Variants in SLC12A4 observed in about 807,000 individuals in gnomAD.
SLC12A4 encodes the protein electroneutral potassium-chloride cotransporter 1.
SLC12A4 carries 84 observed loss-of-function variants against 119.2 expected under a neutral mutation model. The ratio of observed to expected loss-of-function variants is 0.70; its 90% CI spans 0.59 to 0.85. SLC12A4 has a LOEUF of 0.85. Ranked by LOEUF, SLC12A4 falls within the 40% of genes least tolerant of loss-of-function variation. SLC12A4 has a pLI of 0.00. For missense variants in SLC12A4, 1,298 were observed against 1,476.3 expected, an observed-to-expected ratio of 0.88 and a Z score of 1.98; for synonymous variants, 599 against 604.6, an observed-to-expected ratio of 0.99 and a Z score of 0.14.
Position 67,945,854 on chromosome 16 carries a change from A to G in SLC12A4, c.2757T>C (p.Ser919=). Residue 919 remains serine (S), a synonymous_variant, in exon 21 of 24, where the codon TCT becomes TCC. Coordinates refer to ENST00000316341, the MANE Select transcript of SLC12A4 (RefSeq NM_005072.5). ...TCAGCGTCCGCTCGTAGGTGTATGC[A>G]GAGATGTCACTGTTATGCTGGGGAC... ...EVVEMHNSDI[S]AYTYERTLMM... 1 of 1,614,062 alleles carries G rather than the reference A, an allele frequency of 6.2e-7. No individual in the cohort carries two copies. Among genetic ancestry groups the G allele is most frequent in the Admixed American group, 1.7e-5 (1 of 60,030 alleles).
intron 5 of SLC12A4, among the ~76,000 whole-genome samples, chr16:67,956,753 A>T (rs1325407630): frequency 2.6e-5 from 4 of 152,030 alleles, no homozygotes; most frequent in Non-Finnish European, 5.9e-5. Context: ...ACACACATAC[A>T]CACGTAAACA....
At chr16:67,961,417 C>T (rs1357537664) in intron 3 of SLC12A4, among the ~76,000 whole-genome samples, 158 bp downstream of exon 3, 2 of 152,162 alleles carry the variant, frequency 1.3e-5, no homozygotes, top group East Asian at 3.9e-4. Context: ...CTTCTTAAAG[C>T]CTCCTGAGAC....
In SLC12A4 at chr16:67,951,097, G is replaced by A. The variant is rs368239147; in HGVS notation, c.1298-37C>T. Reference sequence around the variant, plus strand: ...GATGAGACTCCCTCAGGGGCTCCCCGGGATTGGGGACAGGGCTGGGTGGGT... The same window carrying A: ...GATGAGACTCCCTCAGGGGCTCCCCAGGATTGGGGACAGGGCTGGGTGGGT... On this transcript the variant is annotated intron_variant, in intron 9 of 23. Coordinates refer to ENST00000316341, the MANE Select transcript of SLC12A4 (RefSeq NM_005072.5). This position sits in a 1 kb window ranked among gnomAD's most constrained non-coding sequence, Gnocchi z 5.2. The A allele has an allele frequency of 3.0e-5, 48 of 1,613,634 alleles. No individual in the cohort carries two copies. Among genetic ancestry groups the A allele is most frequent in the Non-Finnish European group, 3.5e-5 (41 of 1,179,790 alleles).
intron 1 of SLC12A4, 142 bp from the exon 2 acceptor site, chr16:67,963,701 G>A: frequency 1.2e-6 from 1 of 826,336 alleles, no homozygotes; most frequent in Non-Finnish European, 1.9e-6. Flanking sequence ...TTTTCACATG[G>A]CACCGTGCCA....
Position 67,944,041 on chromosome 16 carries a change from G to A in SLC12A4, c.*799C>T. The A allele has an allele frequency of 6.5e-7, 1 of 1,547,602 alleles. No individual in the cohort carries two copies. The highest frequency in any genetic ancestry group is 8.7e-7 in the Non-Finnish European group (1 of 1,145,760). On this transcript the variant is annotated 3_prime_UTR_variant, in exon 24 of 24. Transcript: ENST00000316341. This position sits in a 1 kb window ranked among gnomAD's most constrained non-coding sequence, Gnocchi z 6.6. The stretch of plus-strand genomic sequence containing the variant: ...TTGAGGAGCCAGAAGGGGGCGGCAG[G>A]AGGGAGCAGCAGCCCCAGCAGCAGC...
At chr16:67,957,617 T>A in intron 5 of SLC12A4, 125 bp downstream of exon 5, 1 of 1,040,186 alleles carries the variant, frequency 9.6e-7, no homozygotes, top group Non-Finnish European at 1.5e-6. Flanking sequence ...TGTCCTGGCA[T>A]CAGGGATTGG....
intron 22 of SLC12A4, 23 bp downstream of exon 22, chr16:67,945,345 TG>T: frequency 6.2e-7 from 1 of 1,603,672 alleles, no homozygotes; most frequent in East Asian, 2.2e-5. Context: ...CCAGTGCCGC[TG>T]GGGCTGTTTT....
chr16:67,966,956 C>G, intron 1 of SLC12A4: 1 of 1,356,824 alleles, frequency 7.4e-7, no homozygotes, highest in East Asian at 2.8e-5. Context: ...CAGCTAGGCT[C>G]AGCTCTGCCT....
chr16:67,965,903 C>A (rs1234797609), intron 1 of SLC12A4, among the ~76,000 whole-genome samples: 1 of 152,218 alleles, frequency 6.6e-6, no homozygotes, highest in African/African-American at 2.4e-5. Flanking sequence ...AAGGCCACAT[C>A]TGGGTCCCAG....
In SLC12A4 at chr16:67,949,058, CG is replaced by C. The variant is rs1288571139; in HGVS notation, c.1748+741del. On this transcript the variant is annotated intron_variant, in intron 13 of 23. Transcript: ENST00000316341. The surrounding 1 kb of genome is among the most constrained non-coding windows in gnomAD (Gnocchi z 4.6). ...AGAGTCAACCAAACAAGCGCTGCCTCGGGGTCCCTGGGAGTCACCACATGCT... is the reference window on the plus strand; with the variant it reads ...AGAGTCAACCAAACAAGCGCTGCCTCGGGTCCCTGGGAGTCACCACATGCT... 3.9e-5 allele frequency among the ~76,000 whole-genome samples: 6 copies of C among 152,168 alleles called. No individual in the cohort carries two copies. The highest frequency in any genetic ancestry group is 1.5e-5 in the Non-Finnish European group (1 of 68,024).
rs2058315167 is a variant in SLC12A4, at chr16:67,944,194, C to T, written c.*646G>A. On this transcript the variant is annotated 3_prime_UTR_variant, in exon 24 of 24. Transcript: ENST00000316341. This position sits in a 1 kb window ranked among gnomAD's most constrained non-coding sequence, Gnocchi z 6.6. The stretch of plus-strand genomic sequence containing the variant: ...GGGGCCCTAGGGCCAGTGGGAGGGA[C>T]GGCCTGGCCAGTGGGGGTTGTGGCC... The T allele has an allele frequency of 5.4e-6, 8 of 1,488,238 alleles. No homozygotes were observed. The highest frequency in any genetic ancestry group is 2.2e-5 in the Admixed American group (1 of 46,330). 92.2% of individuals were successfully genotyped at this position (1,488,238 alleles called of 1,614,324 possible).
intron 1 of SLC12A4, 68 bp from the exon 2 acceptor site, chr16:67,963,627 G>T: frequency 8.3e-7 from 1 of 1,210,976 alleles, no homozygotes; most frequent in South Asian, 1.5e-5. Context: ...TTCCCAGAAA[G>T]CCAGTCCCCA....
Position 67,957,959 on chromosome 16 carries a change from C to G in SLC12A4, c.428G>C (p.Trp143Ser), listed in dbSNP as rs776414148. The G allele has an allele frequency of 1.9e-6, 3 of 1,614,126 alleles. No homozygotes were observed. The highest frequency in any genetic ancestry group is 3.3e-5 in the Admixed American group (2 of 60,012). The change falls in exon 4 of 24, where the codon TGG becomes TCG. Residue 143 changes from tryptophan (W) to serine (S), a missense_variant. Coordinates refer to ENST00000316341, the MANE Select transcript of SLC12A4 (RefSeq NM_005072.5). ...TAGCACACCTGCTGTGCCCACCATCCAGGTCAGCCGCAGGAAGAGGATAAC... is the reference window on the plus strand; with the variant it reads ...TAGCACACCTGCTGTGCCCACCATCGAGGTCAGCCGCAGGAAGAGGATAAC... ...FGVILFLRLT[W>S]MVGTAGVLQA...
In SLC12A4 at chr16:67,945,395, A is replaced by G. The variant is rs761906433; in HGVS notation, c.3006T>C (p.Asn1002=). 2.0e-5 allele frequency: 32 copies of G among 1,613,734 alleles called. No individual in the cohort carries two copies. The highest frequency in any genetic ancestry group is 2.6e-5 in the Non-Finnish European group (31 of 1,179,926). Residue 1002 remains asparagine (N), a synonymous_variant, in exon 22 of 24, where the codon AAT becomes AAC. Transcript: ENST00000316341. ...GCTTAATGTGCACCAGCTCCCGGAAATTGTCAGGGGCATGGCTGGGGTCCC... is the reference window on the plus strand; with the variant it reads ...GCTTAATGTGCACCAGCTCCCGGAAGTTGTCAGGGGCATGGCTGGGGTCCC... The part of the protein sequence containing the change: ...ETWDPSHAPD[N]FRELVHIKPD...
chr16:67,958,926 G>A (rs921498646), intron 3 of SLC12A4, among the ~76,000 whole-genome samples: 1 of 152,138 alleles, frequency 6.6e-6, no homozygotes, highest in Admixed American at 6.5e-5. Context: ...CCCTATCACA[G>A]TGGTCACTAC....
rs373864024 is a variant in SLC12A4 at position 67,949,906 on chromosome 16, C to T, written c.1642G>A (p.Gly548Arg). ...IIPFLRVFGH[G>R]KVNGEPTWAL... Reference sequence around the variant, plus strand: ...CATGTGGGTTCACCATTCACCTTCCCGTGGCCAAACACCTGTGTGCACCAG... The same window carrying T: ...CATGTGGGTTCACCATTCACCTTCCTGTGGCCAAACACCTGTGTGCACCAG... Residue 548 changes from glycine to arginine, a missense_variant, in exon 13 of 24, where the codon GGG becomes AGG. Gly to Arg is a moderately radical substitution (Grantham distance 125). Coordinates refer to ENST00000316341, the MANE Select transcript of SLC12A4 (RefSeq NM_005072.5). The surrounding 1 kb of genome is among the most constrained non-coding windows in gnomAD (Gnocchi z 4.6). The T allele has an allele frequency of 2.9e-5, 46 of 1,611,738 alleles. No homozygotes were observed. The highest frequency in any genetic ancestry group is 6.7e-5 in the Admixed American group (4 of 59,764).
chr16:67,952,139 G>A (rs773944194), intron 7 of SLC12A4, 45 bp downstream of exon 7: 2 of 1,611,898 alleles, frequency 1.2e-6, no homozygotes, highest in Admixed American at 1.7e-5. Flanking sequence ...GGCTACATGG[G>A]AGGGATGTCC....
chr16:67,958,813 G>A (rs1891515248), intron 3 of SLC12A4, among the ~76,000 whole-genome samples: 1 of 152,060 alleles, frequency 6.6e-6, no homozygotes, highest in Non-Finnish European at 1.5e-5. Context: ...CTCACGGCCT[G>A]GCAAACTCTT....
Position 67,950,906 on chromosome 16 carries a change from C to T in SLC12A4, c.1396+56G>A. ...TGTGCATGTGACCTGGCAACGTACA[C>T]AGGCCAAGCGCTTCCCGTCCTCTGC... On this transcript the variant is annotated intron_variant, in intron 10 of 23. Transcript: ENST00000316341. The surrounding 1 kb of genome is among the most constrained non-coding windows in gnomAD (Gnocchi z 4.3). The T allele has an allele frequency of 6.3e-7, 1 of 1,578,598 alleles. No homozygotes were observed. The highest frequency in any genetic ancestry group is 8.7e-7 in the Non-Finnish European group (1 of 1,150,618).
Sources: gnomAD v4.1 joint callset for allele counts (sites outside exome capture counted in the v4.1 genomes callset) on GRCh38, gnomAD v4.1.1 for gene constraint, Gnocchi (gnomAD v3.1) non-coding constraint, MANE v1.5 for transcripts, NCBI Gene and HGNC (gene_info 2026-07-23, HGNC 2026-07-21) for gene names.